The following C2orf76 variants were observed in gnomAD, a reference collection of about 807,000 sequenced individuals.
C2orf76 encodes the protein chromosome 2 open reading frame 76.
C2orf76 carries 23 observed loss-of-function variants against 16.9 expected under a neutral mutation model. That is an observed-to-expected ratio of 1.36 (90% CI 0.98 to 1.93). C2orf76 has a LOEUF of 1.93. C2orf76 is among the 30% of genes most tolerant of loss of function. C2orf76 has a pLI of 0.00. For synonymous variants in C2orf76, 48 were observed against 52.3 expected, an observed-to-expected ratio of 0.92 and a Z score of 0.35; for missense variants, 152 against 152.6, an observed-to-expected ratio of 1.00 and a Z score of 0.02.
chr2:119,297,414 AAAAG>A (rs1678557454), downstream of C2orf76, among the ~76,000 whole-genome samples: 1 of 152,254 alleles, frequency 6.6e-6, no homozygotes, highest in Admixed American at 6.5e-5. Flanking sequence ...TATGTGCAAA[AAAAG>A]AAAAAAAGGT....
At chr2:119,301,729 AT>A (rs1277913416), downstream of C2orf76, among the ~76,000 whole-genome samples, 5 of 152,354 alleles carry the variant, frequency 3.3e-5, no homozygotes, top group East Asian at 9.6e-4. Context: ...GAAGGAATGT[AT>A]CTTCCAGGAC....
At chr2:119,358,503 G>A (rs368781991) in intron 1 of C2orf76, among the ~76,000 whole-genome samples, 18 of 151,610 alleles carry the variant, frequency 1.2e-4, no homozygotes, top group Middle Eastern at 3.4e-3. Context: ...ACTTGAATCC[G>A]GGAGGTGCAG....
the C2orf76 span, among the ~76,000 whole-genome samples, chr2:119,283,767 A>G: frequency 3.3e-5 from 5 of 152,016 alleles, no homozygotes; most frequent in Non-Finnish European, 7.4e-5. Flanking sequence ...GAGCCACTGC[A>G]CCTGGCCCTA....
At position 119,311,638 on chromosome 2, in the gene C2orf76, C is replaced by CA. The variant is rs1456324258; in HGVS notation, c.287dup (p.Lys97GlufsTer8). ...CTTCCTCACCGATTCCAGCTGCTTT[C>CA]AGAGTGCTGTCTTCTTTCAGCAGGA... On this transcript the variant is annotated frameshift_variant, in exon 5 of 6. Coordinates refer to ENST00000334816, the MANE Select transcript of C2orf76 (RefSeq NM_001322331.2). LOFTEE classifies it high-confidence loss of function. 1 of 1,613,302 alleles carries CA rather than the reference C, an allele frequency of 6.2e-7. No homozygotes were observed. The highest frequency in any genetic ancestry group is 1.3e-5 in the African/African-American group (1 of 74,736).
intron 1 of C2orf76, among the ~76,000 whole-genome samples, chr2:119,345,311 T>C (rs1374980046): frequency 1.3e-5 from 2 of 152,212 alleles, no homozygotes; most frequent in Non-Finnish European, 1.5e-5. Context: ...AATTTTGCCA[T>C]CAGACTGGTA....
chr2:119,361,782 G>C (rs1299705103), intron 1 of C2orf76, among the ~76,000 whole-genome samples: 1 of 152,120 alleles, frequency 6.6e-6, no homozygotes, highest in African/African-American at 2.4e-5. Context: ...CTGAGGATAA[G>C]GAGGGACTAC....
At chr2:119,308,138 AT>A (rs1678857592) in intron 5 of C2orf76, among the ~76,000 whole-genome samples, 1 of 152,240 alleles carries the variant, frequency 6.6e-6, no homozygotes. Context: ...TTTAAAAAAA[AT>A]TCGTCCTTTA....
At chr2:119,291,166 G>A in the C2orf76 span, among the ~76,000 whole-genome samples, 2 of 152,036 alleles carry the variant, frequency 1.3e-5, no homozygotes. Flanking sequence ...TGGCAGGAAA[G>A]GTGTCATACC....
chr2:119,300,349 C>G (rs192064850), downstream of C2orf76, among the ~76,000 whole-genome samples: 21 of 152,308 alleles, frequency 1.4e-4, no homozygotes, highest in Admixed American at 1.2e-3. Flanking sequence ...TCAATGATGT[C>G]TTCTAGTCTT....
chr2:119,313,044 AG>A (rs1345408034), intron 4 of C2orf76, among the ~76,000 whole-genome samples: 2 of 150,486 alleles, frequency 1.3e-5, no homozygotes, highest in Non-Finnish European at 1.5e-5. Flanking sequence ...AAAAAAAAAA[AG>A]TTGCTATCTG....
intron 2 of C2orf76, among the ~76,000 whole-genome samples, chr2:119,322,256 G>A (rs930141180): frequency 1.4e-4 from 22 of 152,214 alleles, no homozygotes; most frequent in African/African-American, 5.3e-4. Flanking sequence ...GCCCAGACTG[G>A]AGTGTAGTGG....
At chr2:119,332,213 C>G (rs1679697955) in intron 2 of C2orf76, among the ~76,000 whole-genome samples, 1 of 151,578 alleles carries the variant, frequency 6.6e-6, no homozygotes, top group Non-Finnish European at 1.5e-5. Context: ...AGAAGTGGTA[C>G]AATTTGTAAC....
intron 1 of C2orf76, among the ~76,000 whole-genome samples, chr2:119,359,852 G>A (rs755001935): frequency 5.3e-5 from 8 of 152,168 alleles, no homozygotes; most frequent in Non-Finnish European, 1.2e-4. Flanking sequence ...CAAAAAAAGC[G>A]TTTAGAATAT....
At chr2:119,320,056 A>T (rs6711760) in intron 3 of C2orf76, among the ~76,000 whole-genome samples, 104,509 of 152,130 alleles carry the variant, frequency 0.69, 36,396 homozygotes, top group African/African-American at 0.8. Context: ...GGCAGAAGGA[A>T]GTTAATAAGA....
intron 1 of C2orf76, among the ~76,000 whole-genome samples, chr2:119,347,362 C>A (rs1680238137): frequency 6.6e-6 from 1 of 152,164 alleles, no homozygotes; most frequent in African/African-American, 2.4e-5. Flanking sequence ...AAGAGCTAAT[C>A]TCAACGGATG....
At chr2:119,360,188 T>C (rs1159093011) in intron 1 of C2orf76, among the ~76,000 whole-genome samples, 1 of 152,118 alleles carries the variant, frequency 6.6e-6, no homozygotes, top group African/African-American at 2.4e-5. Context: ...AATTCAGATA[T>C]GTACATTTGA....
chr2:119,335,997 T>C (rs1047075409), intron 2 of C2orf76, among the ~76,000 whole-genome samples: 2 of 152,218 alleles, frequency 1.3e-5, no homozygotes, highest in African/African-American at 2.4e-5. Context: ...TAATTTTATG[T>C]TATCTAGATA....
the C2orf76 span, among the ~76,000 whole-genome samples, chr2:119,296,726 T>G: frequency 6.6e-6 from 1 of 152,168 alleles, no homozygotes. Flanking sequence ...AAGAAGTTCC[T>G]CAAAGTCACA....
At chr2:119,285,340 G>C in the C2orf76 span, among the ~76,000 whole-genome samples, 2 of 152,146 alleles carry the variant, frequency 1.3e-5, no homozygotes, top group African/African-American at 4.8e-5. Context: ...CAAATCATAT[G>C]GTGAAGGAAG....
Sources: allele counts gnomAD v4.1 joint callset (sites outside exome capture counted in the v4.1 genomes callset), GRCh38; gene constraint gnomAD v4.1.1; transcripts MANE v1.5; gene names NCBI Gene and HGNC (gene_info 2026-07-23, HGNC 2026-07-21).